Variants in FRMD4A observed in about 807,000 individuals in gnomAD.
FRMD4A encodes FERM domain-containing protein 4A.
FRMD4A carries 29 observed loss-of-function variants against 129.1 expected under a neutral mutation model. That is an observed-to-expected ratio of 0.22 (90% CI 0.17 to 0.31). The LOEUF (loss-of-function observed/expected upper bound fraction) is 0.31. Ranked by LOEUF, FRMD4A falls within the 10% of genes least tolerant of loss-of-function variation. The pLI is 1.00. For missense variants in FRMD4A, 1,272 were observed against 1,375.8 expected, an observed-to-expected ratio of 0.92 and a Z score of 1.19; for synonymous variants, 634 against 571.6, an observed-to-expected ratio of 1.11 and a Z score of -1.56.
At position 13,645,142 on chromosome 10, in the gene FRMD4A, TG is replaced by T. The variant is rs2081042320; in HGVS notation, c.*1895del. 6.6e-6 allele frequency: 1 copy of T among 152,196 alleles called. No homozygotes were observed. The highest frequency in any genetic ancestry group is 1.5e-5 in the Non-Finnish European group (1 of 68,054). 9.4% of individuals were successfully genotyped at this position (152,196 alleles called of 1,614,324 possible). A position where few individuals can be genotyped will look rare whatever the true frequency, so the allele number is the denominator to read the frequency against. On this transcript the variant is annotated 3_prime_UTR_variant, in exon 25 of 25. Coordinates refer to ENST00000357447, the MANE Select transcript of FRMD4A (RefSeq NM_018027.5). ...GCAGCAGAAGGAATACCTTGGTATT[TG>T]TTTCATTTTAGTGTCCATCCTTACC...
intron 21 of FRMD4A, 30 bp from the exon 22 acceptor site, chr10:13,657,552 G>T: frequency 6.5e-7 from 1 of 1,537,534 alleles, no homozygotes; most frequent in African/African-American, 1.4e-5. Flanking sequence ...GTTGGTCTGG[G>T]GGTGGGGAGT....
At chr10:13,656,573 C>G (rs1428564187) in intron 22 of FRMD4A, 63 bp downstream of exon 22, 2 of 1,328,572 alleles carry the variant, frequency 1.5e-6, no homozygotes, top group African/African-American at 1.5e-5. Context: ...CGCGGTAGCC[C>G]TTGACACCGG....
intron 2 of FRMD4A, among the ~76,000 whole-genome samples, chr10:14,258,858 G>A (rs80278437): frequency 1.1e-3 from 166 of 152,220 alleles, no homozygotes; most frequent in Non-Finnish European, 2.2e-3. Flanking sequence ...GTGACAATAT[G>A]GATGAATTTC....
chr10:13,881,115 T>A (rs935797474), intron 2 of FRMD4A, among the ~76,000 whole-genome samples: 1 of 152,146 alleles, frequency 6.6e-6, no homozygotes, highest in African/African-American at 2.4e-5. Context: ...AGGGTAGCAT[T>A]TTTTATACGA....
At chr10:13,842,051 T>C (rs1389877152) in intron 3 of FRMD4A, among the ~76,000 whole-genome samples, 1 of 152,144 alleles carries the variant, frequency 6.6e-6, no homozygotes, top group Non-Finnish European at 1.5e-5. Context: ...ACCTTGTTCC[T>C]CTCACAACAG....
At chr10:13,913,992 G>A (rs532211918) in intron 2 of FRMD4A, among the ~76,000 whole-genome samples, 1 of 152,224 alleles carries the variant, frequency 6.6e-6, no homozygotes, top group Non-Finnish European at 1.5e-5. Flanking sequence ...TGGCTAGCAG[G>A]TGAGGCTTGA....
chr10:13,820,555 A>T (rs1208160057), intron 3 of FRMD4A, among the ~76,000 whole-genome samples: 1 of 152,320 alleles, frequency 6.6e-6, no homozygotes, highest in South Asian at 2.1e-4. Flanking sequence ...AAAAAAAAAA[A>T]AAAATTCAAA....
At chr10:13,667,638 T>G (rs1300119458) in intron 17 of FRMD4A, 1 of 152,260 alleles carries the variant, frequency 6.6e-6, no homozygotes, top group Admixed American at 6.5e-5. Flanking sequence ...GCGTGAGGAT[T>G]TGGGGATGAA....
At chr10:14,329,959 G>A in intron 2 of FRMD4A, 99 bp downstream of exon 2, 1 of 1,120,868 alleles carries the variant, frequency 8.9e-7, no homozygotes, top group Non-Finnish European at 1.3e-6. Flanking sequence ...GAGCAATGTT[G>A]AACATGTCTG....
At position 14,012,502 on chromosome 10, in the gene FRMD4A, C is replaced by T. The variant is rs572060780; in HGVS notation, c.46-153590G>A. ...GAACAGCAGGGTGTGAAAGGGGTGG[C>T]GGGAATGGGGGGAATGTTCCATTGG... On this transcript the variant is annotated intron_variant, in intron 2 of 24. Transcript: ENST00000357447. Among the ~76,000 whole-genome samples, 70 of 151,656 alleles carry T rather than the reference C, an allele frequency of 4.6e-4. No individual in the cohort carries two copies. In the South Asian group the frequency reaches 6.3e-3, roughly 14 times the overall value.
chr10:13,869,056 C>CGCT (rs1393245957), intron 2 of FRMD4A, among the ~76,000 whole-genome samples: 1 of 152,160 alleles, frequency 6.6e-6, no homozygotes, highest in Non-Finnish European at 1.5e-5. Flanking sequence ...ATCCTAGGGA[C>CGCT]GCTGCTGCTG....
At chr10:13,926,065 T>C (rs2095130672) in intron 2 of FRMD4A, among the ~76,000 whole-genome samples, 3 of 152,142 alleles carry the variant, frequency 2.0e-5, no homozygotes, top group Admixed American at 1.3e-4. Context: ...AGGAGGAAAT[T>C]CGTGGCTGCA....
At chr10:13,822,193 T>C (rs543488552) in intron 3 of FRMD4A, among the ~76,000 whole-genome samples, 24 of 152,338 alleles carry the variant, frequency 1.6e-4, no homozygotes, top group African/African-American at 5.8e-4. Flanking sequence ...CCATCACCTA[T>C]CATACTTACG....
Position 13,651,973 on chromosome 10 carries a change from C to G in FRMD4A, c.3052G>C (p.Glu1018Gln), listed in dbSNP as rs886643361. 1.9e-6 allele frequency: 3 copies of G among 1,566,766 alleles called. No individual in the cohort carries two copies. In the South Asian group the frequency reaches 3.3e-5, roughly 17 times the overall value. The change falls in exon 24 of 25, where the codon GAA (glutamate) becomes CAA (glutamine). Residue 1018 changes from glutamate (E) to glutamine (Q), a missense_variant and splice_region_variant. By Grantham distance (29) the Glu-to-Gln change is conservative (BLOSUM62 2). This residue lies in a region of FRMD4A where 972 missense variants were observed against 892.3 expected (regional missense o/e 1.09). Transcript: ENST00000357447. The part of the protein sequence containing the change: ...PHHILTWQTG[E>Q]ATENSPILDG... ...AGAATGGGTGAGTTTTCTGTTGCTT[C>G]TCTGAACAAAGGAAAGCAGGAGGAG...
intron 2 of FRMD4A, among the ~76,000 whole-genome samples, chr10:14,225,360 A>T (rs1167539835): frequency 1.3e-5 from 2 of 152,228 alleles, no homozygotes; most frequent in Admixed American, 1.3e-4. Context: ...GCAGAGAGAC[A>T]CCAAACTGCT....
intron 3 of FRMD4A, among the ~76,000 whole-genome samples, chr10:13,843,097 T>A (rs189562755): frequency 1.3e-5 from 2 of 152,306 alleles, no homozygotes; most frequent in African/African-American, 4.8e-5. Flanking sequence ...AGGTGTACAA[T>A]CTGCACTCTT....
chr10:14,117,563 A>T (rs77819096), intron 2 of FRMD4A, among the ~76,000 whole-genome samples: 1,688 of 152,302 alleles, frequency 0.011, 22 homozygotes, highest in African/African-American at 0.038. Flanking sequence ...AGCATCAGAC[A>T]ATGAGAAGAG....
rs1310193442 is a variant in FRMD4A, at chr10:14,048,812, AAATAGAATAGATTAGAATAG to A, written c.46-189920_46-189901del. Among the ~76,000 whole-genome samples the A allele has an allele frequency of 8.2e-5, 11 of 134,480 alleles. 1 individual carries two copies. Among genetic ancestry groups the A allele is most frequent in the South Asian group, 2.3e-4 (1 of 4,350 alleles). The allele number at this position is 134,480 out of a possible 152,430, so 88.2% of individuals were successfully genotyped here. ...CAGAGCGAGACTCTTGTCTCAAATA[AAATAGAATAGATTAGAATAG>A]AATAGAATAGAATAGAATAGAATAG... On this transcript the variant is annotated intron_variant, in intron 2 of 24. Transcript: ENST00000357447.
intron 2 of FRMD4A, among the ~76,000 whole-genome samples, chr10:14,095,665 G>A (rs74649522): frequency 0.032 from 4,884 of 152,304 alleles, 119 homozygotes; most frequent in Non-Finnish European, 0.05. Context: ...TCTCCAGCAC[G>A]CTGGATCGAA....
Sources: gnomAD v4.1 joint callset for allele counts (sites outside exome capture counted in the v4.1 genomes callset) on GRCh38, gnomAD v4.1.1 for gene constraint, gnomAD v4.1.1 regional missense constraint, MANE v1.5 for transcripts, NCBI Gene and HGNC (gene_info 2026-07-23, HGNC 2026-07-21) for gene names.